The following EMP2 variants were observed in gnomAD, a reference collection of about 807,000 sequenced individuals.
EMP2 encodes epithelial membrane protein 2.
A neutral mutation model predicts 13.7 loss-of-function variants in EMP2; 19 were observed. The observed-to-expected ratio is 1.38, with a 90% CI of 0.97 to 2.03. EMP2 has a LOEUF of 2.03. Ranked by LOEUF, EMP2 falls within the 30% of genes most tolerant of loss-of-function variation. The probability of loss-of-function intolerance (pLI) is 0.00; values close to 1 mark genes in which losing one functional copy is unlikely to be tolerated. For missense variants in EMP2, 253 were observed against 220.7 expected (o/e 1.15, Z -0.93); for synonymous variants, 97 against 84.7 (o/e 1.15, Z -0.80).
At position 10,549,980 on chromosome 16, in the gene EMP2, G is replaced by C. The variant is rs933711790; in HGVS notation, c.-60-2303C>G. The stretch of plus-strand genomic sequence containing the variant: ...AGCCCACTGCATCCTCTGCCTCCCA[G>C]GTTCAAGTGATTCTCCTGCCTCAGC... On this transcript the variant is annotated intron_variant, in intron 1 of 4. Coordinates refer to ENST00000359543, the MANE Select transcript of EMP2 (RefSeq NM_001424.6). 2.1e-5 allele frequency among the ~76,000 whole-genome samples: 3 copies of C among 146,022 alleles called. No homozygotes were observed. In the Admixed American group the frequency reaches 2.1e-4, roughly 10 times the overall value.
rs948831908 is a variant in EMP2, at chr16:10,532,487, G to T, written c.*418C>A. The T allele has an allele frequency of 1.3e-5, 2 of 152,566 alleles. No individual in the cohort carries two copies. Among genetic ancestry groups the T allele is most frequent in the African/African-American group, 4.8e-5 (2 of 41,440 alleles). The allele number at this position is 152,566 out of a possible 1,614,324, so 9.5% of individuals were successfully genotyped here. On this transcript the variant is annotated 3_prime_UTR_variant, in exon 5 of 5. Coordinates refer to ENST00000359543, the MANE Select transcript of EMP2 (RefSeq NM_001424.6). ...CTCTTCCACCCACCACTAGCAGAGA[G>T]ATTCGGGAGGGGCTTGGGCCAGCTG...
intron 1 of EMP2, among the ~76,000 whole-genome samples, chr16:10,553,835 T>C (rs1205983423): frequency 1.3e-5 from 2 of 152,340 alleles, no homozygotes; most frequent in Admixed American, 6.5e-5. Flanking sequence ...CTTCCACTTA[T>C]TTCTTTGCAC....
chr16:10,537,819 A>G (rs998515253), intron 4 of EMP2, 109 bp downstream of exon 4: 74 of 1,479,782 alleles, frequency 5.0e-5, no homozygotes, highest in Admixed American at 1.8e-4. Flanking sequence ...CGCGGCTGCC[A>G]ATTTCTCCTT....
intron 1 of EMP2, among the ~76,000 whole-genome samples, chr16:10,561,464 C>T (rs1031452966): frequency 6.6e-6 from 1 of 151,958 alleles, no homozygotes. Flanking sequence ...GAGAGAAGGC[C>T]AGGGAAGGAG....
At chr16:10,550,517 T>G (rs2050778679) in intron 1 of EMP2, among the ~76,000 whole-genome samples, 1 of 152,214 alleles carries the variant, frequency 6.6e-6, no homozygotes, top group South Asian at 2.1e-4. Context: ...TCGATCCAGA[T>G]TATATTTTTT....
Position 10,580,143 on chromosome 16 carries a change from C to A in EMP2, c.-61+406G>T, listed in dbSNP as rs1481881086. On this transcript the variant is annotated intron_variant, in intron 1 of 4. Coordinates refer to ENST00000359543, the MANE Select transcript of EMP2 (RefSeq NM_001424.6). This position sits in a 1 kb window ranked among gnomAD's most constrained non-coding sequence, Gnocchi z 4.3. ...CGCAGCCCAGGAGGACCCGCTGGCC[C>A]GGCCTGGCGCACCAGTCCTGCCCGC... Among the ~76,000 whole-genome samples, 1 of 152,290 alleles carries A rather than the reference C, an allele frequency of 6.6e-6. No individual in the cohort carries two copies. Among genetic ancestry groups the A allele is most frequent in the Admixed American group, 6.5e-5 (1 of 15,306 alleles).
intron 1 of EMP2, among the ~76,000 whole-genome samples, chr16:10,572,265 G>A (rs942435343): frequency 6.6e-6 from 1 of 152,050 alleles, no homozygotes; most frequent in East Asian, 1.9e-4. Context: ...AGAGCTGCCT[G>A]GGTGACAAAG....
intron 1 of EMP2, among the ~76,000 whole-genome samples, chr16:10,575,234 A>ATTTTTTTTTTTTTTT (rs1261477826): frequency 1.9e-5 from 1 of 53,372 alleles, no homozygotes; most frequent in Non-Finnish European, 3.5e-5. Flanking sequence ...TGGAGCTTGC[A>ATTTTTTTTTTTTTTT]TTCTTTTTTT....
chr16:10,575,234 ATTCTTTTTTT>A, intron 1 of EMP2, among the ~76,000 whole-genome samples: 1 of 53,374 alleles, frequency 1.9e-5, no homozygotes, highest in Non-Finnish European at 3.5e-5. Flanking sequence ...TGGAGCTTGC[ATTCTTTTTTT>A]TTTTTTTTTT....
intron 1 of EMP2, among the ~76,000 whole-genome samples, chr16:10,565,287 G>C (rs1339848506): frequency 6.6e-6 from 1 of 152,204 alleles, no homozygotes; most frequent in Non-Finnish European, 1.5e-5. Context: ...CTGTGAAGGT[G>C]CTTTGGGATG....
rs1481881086 is a variant in EMP2, at chr16:10,580,143, C to T, written c.-61+406G>A. Among the ~76,000 whole-genome samples the T allele has an allele frequency of 5.3e-5, 8 of 152,172 alleles. No individual in the cohort carries two copies. Among genetic ancestry groups the T allele is most frequent in the Non-Finnish European group, 8.8e-5 (6 of 68,010 alleles). Reference sequence around the variant, plus strand: ...CGCAGCCCAGGAGGACCCGCTGGCCCGGCCTGGCGCACCAGTCCTGCCCGC... The same window carrying T: ...CGCAGCCCAGGAGGACCCGCTGGCCTGGCCTGGCGCACCAGTCCTGCCCGC... On this transcript the variant is annotated intron_variant, in intron 1 of 4. Transcript: ENST00000359543. The surrounding 1 kb of genome is among the most constrained non-coding windows in gnomAD (Gnocchi z 4.3).
In EMP2 at chr16:10,537,813, G is replaced by A. The variant is rs111532998; in HGVS notation, c.316+115C>T. On this transcript the variant is annotated intron_variant, in intron 4 of 4. Coordinates refer to ENST00000359543, the MANE Select transcript of EMP2 (RefSeq NM_001424.6). ...ACACACCGGCACACAGCACCGCGCG[G>A]CTGCCAATTTCTCCTTTCCAAATTC... The A allele has an allele frequency of 1.9e-5, 26 of 1,391,006 alleles. 1 individual carries two copies. In the African/African-American group the frequency reaches 2.1e-4, roughly 11 times the overall value. The allele number at this position is 1,391,006 out of a possible 1,614,324, so 86.2% of individuals were successfully genotyped here.
intron 1 of EMP2, among the ~76,000 whole-genome samples, chr16:10,571,238 A>C (rs2050944953): frequency 7.4e-6 from 1 of 134,630 alleles, no homozygotes. Context: ...GCCTGGTGAC[A>C]GAGCAAGACT....
At chr16:10,549,065 C>T (rs891947877) in intron 1 of EMP2, among the ~76,000 whole-genome samples, 4 of 152,174 alleles carry the variant, frequency 2.6e-5, no homozygotes, top group Non-Finnish European at 4.4e-5. Flanking sequence ...CTCCCTCTCC[C>T]TAAGGAGGTA....
intron 1 of EMP2, among the ~76,000 whole-genome samples, chr16:10,574,070 T>C (rs1179512647): frequency 2.6e-5 from 4 of 151,116 alleles, no homozygotes; most frequent in Non-Finnish European, 5.9e-5. Flanking sequence ...CCCAAGTAGC[T>C]GGGATTACAG....
In EMP2 at chr16:10,543,593, G is replaced by A; in HGVS notation, c.146C>T (p.Thr49Ile). ...WRICTNNTNC[T>I]VINDSFQEYS... Reference sequence around the variant, plus strand: ...ACCTTGAAAGCTGTCATTGATGACTGTGCAATTCGTGTTGTTGGTACATAT... The same window carrying A: ...ACCTTGAAAGCTGTCATTGATGACTATGCAATTCGTGTTGTTGGTACATAT... The change falls in exon 3 of 5, where the codon ACA (threonine) becomes ATA (isoleucine). Residue 49 changes from threonine (T) to isoleucine (I), a missense_variant. Physicochemically the swap from Thr to Ile is moderately conservative, Grantham distance 89 (BLOSUM62 -1). Transcript: ENST00000359543. 2 of 1,614,248 alleles carry A rather than the reference G, an allele frequency of 1.2e-6. No individual in the cohort carries two copies. The highest frequency in any genetic ancestry group is 1.7e-6 in the Non-Finnish European group (2 of 1,180,046).
intron 1 of EMP2, among the ~76,000 whole-genome samples, chr16:10,565,137 C>G (rs2050898673): frequency 6.6e-6 from 1 of 152,164 alleles, no homozygotes; most frequent in South Asian, 2.1e-4. Flanking sequence ...ACTGAGATTT[C>G]CTCTTTGAAG....
At chr16:10,546,805 A>G (rs950867645) in intron 2 of EMP2, 6 of 152,276 alleles carry the variant, frequency 3.9e-5, no homozygotes, top group Non-Finnish European at 8.8e-5. Context: ...CCCCTACAAC[A>G]AAGGATTATC....
At chr16:10,573,434 G>A (rs2050961246) in intron 1 of EMP2, among the ~76,000 whole-genome samples, 1 of 152,212 alleles carries the variant, frequency 6.6e-6, no homozygotes, top group African/African-American at 2.4e-5. Flanking sequence ...CAAGGGGGAT[G>A]CTCCATGTGG....
Sources: allele counts gnomAD v4.1 joint callset (sites outside exome capture counted in the v4.1 genomes callset), GRCh38; gene constraint gnomAD v4.1.1; non-coding constraint Gnocchi (gnomAD v3.1); transcripts MANE v1.5; gene names NCBI Gene and HGNC (gene_info 2026-07-23, HGNC 2026-07-21).